PCDH7: variants seen among roughly 807,000 people sequenced by gnomAD.
The protein encoded by PCDH7 is protocadherin-7.
PCDH7 carries 17 observed loss-of-function variants against 58.9 expected under a neutral mutation model. That is an observed-to-expected ratio of 0.29 (90% CI 0.20 to 0.43). PCDH7 has a LOEUF of 0.43. PCDH7 is among the 20% of genes least tolerant of loss of function. PCDH7 has a pLI of 1.00. For synonymous variants in PCDH7, 664 were observed against 616.4 expected, an observed-to-expected ratio of 1.08 and a Z score of -1.14; for missense variants, 1,274 against 1,441.0, an observed-to-expected ratio of 0.88 and a Z score of 1.88.
intron 1 of PCDH7, among the ~76,000 whole-genome samples, chr4:30,820,173 T>C (rs913496682): frequency 1.3e-5 from 2 of 152,110 alleles, no homozygotes; most frequent in Non-Finnish European, 2.9e-5. Context: ...ATAATGGAAA[T>C]GCTTTCAAAA....
intron 3 of PCDH7, among the ~76,000 whole-genome samples, chr4:31,107,949 G>A (rs140701001): frequency 1.2e-4 from 18 of 152,118 alleles, no homozygotes; most frequent in East Asian, 9.7e-4. Context: ...TTAAGGGGCA[G>A]CCAAAAATAT....
intron 3 of PCDH7, among the ~76,000 whole-genome samples, chr4:31,029,732 A>G (rs1360721854): frequency 1.3e-5 from 2 of 152,144 alleles, no homozygotes; most frequent in African/African-American, 4.8e-5. Context: ...GAATCCGGGC[A>G]ACATTTGGAA....
At chr4:30,999,754 T>G (rs1560566774) in intron 3 of PCDH7, among the ~76,000 whole-genome samples, 1 of 152,136 alleles carries the variant, frequency 6.6e-6, no homozygotes. Flanking sequence ...AGTGATTAGG[T>G]TCTCTCACCA....
intron 1 of PCDH7, among the ~76,000 whole-genome samples, chr4:30,744,432 G>A (rs982001660): frequency 6.6e-6 from 1 of 152,154 alleles, no homozygotes; most frequent in Non-Finnish European, 1.5e-5. Flanking sequence ...ATGTAACCAT[G>A]ATTTACATGT....
chr4:30,821,105 T>G (rs1728317859), intron 1 of PCDH7, among the ~76,000 whole-genome samples: 1 of 152,170 alleles, frequency 6.6e-6, no homozygotes. Flanking sequence ...TACTGTTATT[T>G]GACCCATTTC....
intron 3 of PCDH7, among the ~76,000 whole-genome samples, chr4:31,050,125 T>C (rs986466179): frequency 6.6e-6 from 1 of 152,134 alleles, no homozygotes; most frequent in Non-Finnish European, 1.5e-5. Flanking sequence ...AAGTTCCCTG[T>C]GTTCAGTCTA....
intron 2 of PCDH7, among the ~76,000 whole-genome samples, chr4:30,937,931 T>C (rs558296509): frequency 1.3e-5 from 2 of 151,994 alleles, no homozygotes; most frequent in African/African-American, 2.4e-5. Flanking sequence ...TTGCTAATAA[T>C]TGACCTCGTC....
At chr4:30,948,516 T>C (rs1746989360) in intron 2 of PCDH7, among the ~76,000 whole-genome samples, 1 of 152,158 alleles carries the variant, frequency 6.6e-6, no homozygotes, top group Non-Finnish European at 1.5e-5. Flanking sequence ...GGTTTTAACT[T>C]TGAAGGGGAA....
intron 1 of PCDH7, among the ~76,000 whole-genome samples, chr4:30,764,945 T>A (rs1299602139): frequency 6.6e-6 from 1 of 152,002 alleles, no homozygotes; most frequent in African/African-American, 2.4e-5. Flanking sequence ...GGTCTCTATC[T>A]CCTGACGTCG....
chr4:31,032,407 A>G (rs558651920), intron 3 of PCDH7, among the ~76,000 whole-genome samples: 9 of 152,260 alleles, frequency 5.9e-5, no homozygotes, highest in African/African-American at 2.2e-4. Context: ...CAGATGTTGG[A>G]TACCAAACTG....
chr4:30,880,235 TA>T (rs1379420736), intron 1 of PCDH7, among the ~76,000 whole-genome samples: 2 of 151,268 alleles, frequency 1.3e-5, no homozygotes, highest in Non-Finnish European at 2.9e-5. Flanking sequence ...TAAGGGTCTT[TA>T]AGGTGTAAGT....
intron 1 of PCDH7, among the ~76,000 whole-genome samples, chr4:30,743,536 A>G (rs943965881): frequency 1.3e-4 from 20 of 152,118 alleles, no homozygotes; most frequent in Admixed American, 1.3e-4. Flanking sequence ...AAAAAGATAG[A>G]AATAAAGGTA....
downstream of PCDH7, chr4:31,143,117 AAAAAAAAAC>A (rs1720451930): frequency 2.4e-5 from 4 of 168,154 alleles, no homozygotes; most frequent in South Asian, 5.1e-4. Context: ...CTCTCCAAAA[AAAAAAAAAC>A]AAAAAGAAAA....
chr4:30,924,893 TA>T (rs989468168), intron 2 of PCDH7, among the ~76,000 whole-genome samples: 19 of 148,600 alleles, frequency 1.3e-4, no homozygotes, highest in Middle Eastern at 3.4e-3. Flanking sequence ...AAAAATAAAT[TA>T]AAAAAAAAAC....
intron 2 of PCDH7, among the ~76,000 whole-genome samples, chr4:30,938,883 A>T (rs993309782): frequency 6.6e-6 from 1 of 152,148 alleles, no homozygotes. Flanking sequence ...TTAAGATTTT[A>T]GTTTCCTAAT....
At position 30,723,127 on chromosome 4, in the gene PCDH7, G is replaced by A; in HGVS notation, c.1705G>A (p.Glu569Lys). 3.1e-6 allele frequency: 5 copies of A among 1,614,054 alleles called. No homozygotes were observed. The highest frequency in any genetic ancestry group is 4.2e-6 in the Non-Finnish European group (5 of 1,180,032). The change falls in exon 1 of 2, where the codon GAG becomes AAG. Residue 569 changes from glutamate (E) to lysine (K), a missense_variant. This residue lies in a region of PCDH7 where 731 missense variants were observed against 881.9 expected (regional missense o/e 0.83). Transcript: ENST00000361762. This position sits in a 1 kb window ranked among gnomAD's most constrained non-coding sequence, Gnocchi z 4.6. The stretch of plus-strand genomic sequence containing the variant: ...AGACGCAGACAGCGGTAAGAACGCC[G>A]AGATCGCCTACTCGCTGGACTCCTC...
rs1039137708 is a variant in PCDH7 at position 30,732,475 on chromosome 4, G to A, written c.*1687G>A. ...TATTTATGAATACCTTCACAAAGAA[G>A]AACATTGTAAGTTAGCATTTTCTAA... On this transcript the variant is annotated 3_prime_UTR_variant, in exon 2 of 2. Coordinates refer to ENST00000361762, the Ensembl canonical transcript of PCDH7. 2.0e-5 allele frequency: 3 copies of A among 152,140 alleles called. 1 individual carries two copies. Among genetic ancestry groups the A allele is most frequent in the Non-Finnish European group, 4.4e-5 (3 of 68,010 alleles). The allele number at this position is 152,140 out of a possible 1,614,324, so 9.4% of individuals were successfully genotyped here.
chr4:30,798,176 T>C (rs1725039752), intron 1 of PCDH7, among the ~76,000 whole-genome samples: 1 of 152,194 alleles, frequency 6.6e-6, no homozygotes, highest in Non-Finnish European at 1.5e-5. Flanking sequence ...ACGTTGTATT[T>C]AAGTTGAAGG....
chr4:31,026,453 C>T (rs766055833), intron 3 of PCDH7, among the ~76,000 whole-genome samples: 6 of 152,172 alleles, frequency 3.9e-5, no homozygotes, highest in African/African-American at 1.4e-4. Context: ...TGTTACAACA[C>T]GTGTTCGTAG....
Sources: allele counts gnomAD v4.1 joint callset (sites outside exome capture counted in the v4.1 genomes callset), GRCh38; gene constraint gnomAD v4.1.1; regional missense constraint gnomAD v4.1.1; non-coding constraint Gnocchi (gnomAD v3.1); transcripts MANE v1.5; gene names NCBI Gene and HGNC (gene_info 2026-07-23, HGNC 2026-07-21).